Variants in SASS6 observed in about 807,000 individuals in gnomAD.
SASS6 encodes the protein SAS-6 centriolar assembly protein.
In SASS6, 59 loss-of-function variants were observed where a neutral mutation model predicts 94.9. The ratio of observed to expected loss-of-function variants is 0.62; its 90% CI spans 0.50 to 0.77. The LOEUF is 0.77. Among genes scored for constraint, SASS6 ranks in the 30% least tolerant of loss-of-function variants. The pLI is 0.00. For missense variants in SASS6, 698 were observed against 734.1 expected, an observed-to-expected ratio of 0.95 and a Z score of 0.57; for synonymous variants, 264 against 270.0, an observed-to-expected ratio of 0.98 and a Z score of 0.22.
chr1:100,103,436 T>C (rs1427565817), intron 13 of SASS6, among the ~76,000 whole-genome samples: 1 of 152,166 alleles, frequency 6.6e-6, no homozygotes, highest in Non-Finnish European at 1.5e-5. Flanking sequence ...CAATCAGAGA[T>C]AAAATAAAAC....
intron 1 of SASS6, among the ~76,000 whole-genome samples, chr1:100,126,943 G>A (rs1343300019): frequency 6.6e-6 from 1 of 152,092 alleles, no homozygotes; most frequent in Non-Finnish European, 1.5e-5. Context: ...TAAAACCACA[G>A]AAGTATTATC....
intron 7 of SASS6, among the ~76,000 whole-genome samples, chr1:100,112,177 A>G (rs1167933345): frequency 6.6e-6 from 1 of 152,186 alleles, no homozygotes; most frequent in Admixed American, 6.5e-5. Context: ...GGTGGAAGCA[A>G]TATTTTTCAA....
At position 100,103,023 on chromosome 1, in the gene SASS6, C is replaced by T. The variant is rs760377928; in HGVS notation, c.1606G>A (p.Ala536Thr). Residue 536 changes from alanine (A) to threonine (T), a missense_variant, in exon 14 of 17, where the codon GCA (alanine) becomes ACA (threonine). Transcript: ENST00000287482. ...GIGYPVSSAFAFQNTFPHSIS... is the reference protein window; with the variant it reads ...GIGYPVSSAFTFQNTFPHSIS... ...GAATGAGGGAAGGTATTCTGGAATGCAAATGCAGAGGAGACAGGATAACCA... is the reference window on the plus strand; with the variant it reads ...GAATGAGGGAAGGTATTCTGGAATGTAAATGCAGAGGAGACAGGATAACCA... 1 of 1,608,558 alleles carries T rather than the reference C, an allele frequency of 6.2e-7. No individual in the cohort carries two copies. The highest frequency in any genetic ancestry group is 1.7e-5 in the Admixed American group (1 of 59,984).
At chr1:100,097,772 A>G (rs546096410) in intron 14 of SASS6, among the ~76,000 whole-genome samples, 8 of 152,274 alleles carry the variant, frequency 5.3e-5, no homozygotes, top group African/African-American at 1.9e-4. Context: ...CGAGGCTGCA[A>G]TAAGCCATGA....
At chr1:100,094,781 G>A (rs751450848) in intron 14 of SASS6, among the ~76,000 whole-genome samples, 2 of 151,202 alleles carry the variant, frequency 1.3e-5, no homozygotes, top group East Asian at 1.9e-4. Context: ...CAGAAGAATC[G>A]CTGGAACCCA....
At chr1:100,103,985 T>A (rs1252952886) in intron 13 of SASS6, among the ~76,000 whole-genome samples, 2 of 152,214 alleles carry the variant, frequency 1.3e-5, no homozygotes, top group Non-Finnish European at 2.9e-5. Flanking sequence ...AAGTGGGTAT[T>A]AAAAGGGACT....
chr1:100,118,180 T>A (rs140668556), intron 7 of SASS6, among the ~76,000 whole-genome samples: 1,545 of 152,186 alleles, frequency 0.01, 27 homozygotes, highest in African/African-American at 0.036. Context: ...CTGGGCATGG[T>A]GGCACATGCC....
In SASS6 at chr1:100,105,779, A is replaced by G; in HGVS notation, c.1533T>C (p.Pro511=). ...TTTTAAATCTTACCACATTCAGGTT[A>G]GGAGAAATTCCACTTCTGATTGTGT... is the stretch of plus-strand genomic sequence containing the variant. ...SSNTIRSGIS[P]NLNVVDGRLT... Residue 511 remains proline (P), a synonymous_variant, in exon 13 of 17, where the codon CCT becomes CCC. Coordinates refer to ENST00000287482, the MANE Select transcript of SASS6 (RefSeq NM_194292.3). 3 of 1,612,674 alleles carry G rather than the reference A, an allele frequency of 1.9e-6. No homozygotes were observed. The highest frequency in any genetic ancestry group is 2.5e-6 in the Non-Finnish European group (3 of 1,179,400).
chr1:100,091,376 T>TA (rs919319647), intron 14 of SASS6, among the ~76,000 whole-genome samples: 11 of 151,040 alleles, frequency 7.3e-5, no homozygotes, highest in South Asian at 2.1e-4. Flanking sequence ...ATTGTTTGCT[T>TA]AAAAAAAAAT....
intron 7 of SASS6, among the ~76,000 whole-genome samples, chr1:100,112,339 G>C (rs1425110575): frequency 6.6e-6 from 1 of 152,054 alleles, no homozygotes; most frequent in South Asian, 2.1e-4. Flanking sequence ...ATGAAATATA[G>C]AAGTCAGAAT....
At chr1:100,122,289 T>C (rs1654250244) in intron 4 of SASS6, 91 bp downstream of exon 4, 1 of 600,690 alleles carries the variant, frequency 1.7e-6, no homozygotes, top group Non-Finnish European at 2.9e-6. Context: ...ATAGTCATAA[T>C]AAACGGAAAA....
intron 7 of SASS6, among the ~76,000 whole-genome samples, chr1:100,113,689 G>A (rs1239390877): frequency 6.6e-6 from 1 of 151,298 alleles, no homozygotes; most frequent in Non-Finnish European, 1.5e-5. Flanking sequence ...CGAAATAGGG[G>A]GAGAAACAGT....
At chr1:100,092,663 C>T (rs936701031) in intron 14 of SASS6, among the ~76,000 whole-genome samples, 3 of 152,074 alleles carry the variant, frequency 2.0e-5, no homozygotes, top group African/African-American at 4.8e-5. Context: ...GCAACCTCCG[C>T]CTCCCGAGTT....
In SASS6 at chr1:100,118,842, A is replaced by C. The variant is rs559604156; in HGVS notation, c.669+176T>G. ...AGAAAAGTCTGAAAAAAATACATCA[A>C]AATGTTTATAGATTATCTCTAGGTA... On this transcript the variant is annotated intron_variant, in intron 7 of 16. Coordinates refer to ENST00000287482, the MANE Select transcript of SASS6 (RefSeq NM_194292.3). 3.9e-5 allele frequency among the ~76,000 whole-genome samples: 6 copies of C among 152,272 alleles called. No homozygotes were observed. In the South Asian group the frequency reaches 1.2e-3, roughly 32 times the overall value.
intron 1 of SASS6, among the ~76,000 whole-genome samples, chr1:100,127,345 T>A (rs564938): frequency 1.3e-5 from 2 of 152,116 alleles, no homozygotes; most frequent in African/African-American, 4.8e-5. Flanking sequence ...GTAAAAAGTA[T>A]AAACAGCAAT....
intron 14 of SASS6, among the ~76,000 whole-genome samples, chr1:100,092,988 GA>G (rs746442242): frequency 5.3e-5 from 8 of 152,024 alleles, no homozygotes; most frequent in South Asian, 2.1e-4. Context: ...CATAAGGGGG[GA>G]AAAGGCAAAG....
At chr1:100,093,598 A>C (rs1403220279) in intron 14 of SASS6, among the ~76,000 whole-genome samples, 2 of 151,834 alleles carry the variant, frequency 1.3e-5, no homozygotes, top group Admixed American at 1.3e-4. Flanking sequence ...CTGTCTCTAC[A>C]AAAAAATACG....
At chr1:100,104,992 A>G (rs997267939) in intron 13 of SASS6, among the ~76,000 whole-genome samples, 3 of 151,932 alleles carry the variant, frequency 2.0e-5, no homozygotes, top group African/African-American at 4.8e-5. Flanking sequence ...TAGAAAGTTT[A>G]TATCTCATAA....
At chr1:100,125,245 G>C (rs957412745) in intron 2 of SASS6, among the ~76,000 whole-genome samples, 6 of 151,808 alleles carry the variant, frequency 4.0e-5, no homozygotes, top group African/African-American at 1.2e-4. Context: ...GTGTGTGTGT[G>C]TGTGTGTGTA....
Sources: gnomAD v4.1 joint callset for allele counts (sites outside exome capture counted in the v4.1 genomes callset) on GRCh38, gnomAD v4.1.1 for gene constraint, MANE v1.5 for transcripts, NCBI Gene and HGNC (gene_info 2026-07-23, HGNC 2026-07-21) for gene names.